SHROOM3: variants seen among roughly 807,000 people sequenced by gnomAD.
SHROOM3 encodes the protein shroom family member 3.
Under a neutral mutation model 138.6 loss-of-function variants are expected in SHROOM3, and 47 were observed. The ratio of observed to expected loss-of-function variants is 0.34; its 90% CI spans 0.27 to 0.43. The LOEUF (loss-of-function observed/expected upper bound fraction) is 0.43. SHROOM3 is among the 20% of genes least tolerant of loss of function. The probability of loss-of-function intolerance (pLI) is 1.00; values close to 1 mark genes in which losing one functional copy is unlikely to be tolerated. For synonymous variants in SHROOM3, 1,062 were observed against 1,063.3 expected, an observed-to-expected ratio of 1.00 and a Z score of 0.02; for missense variants, 2,491 against 2,596.5, an observed-to-expected ratio of 0.96 and a Z score of 0.88.
At chr4:76,468,792 G>A (rs1483763296) in intron 1 of SHROOM3, among the ~76,000 whole-genome samples, 1 of 152,068 alleles carries the variant, frequency 6.6e-6, no homozygotes, top group Non-Finnish European at 1.5e-5. Flanking sequence ...CACTTTGGGA[G>A]GCCAAGGCAG....
chr4:76,643,864 G>A (rs913101821), intron 2 of SHROOM3, among the ~76,000 whole-genome samples: 1 of 152,096 alleles, frequency 6.6e-6, no homozygotes, highest in East Asian at 1.9e-4. Context: ...TTTAATCTGA[G>A]ACGGAGTTTT....
chr4:76,491,602 C>T (rs754711405), intron 1 of SHROOM3, among the ~76,000 whole-genome samples: 9 of 152,146 alleles, frequency 5.9e-5, no homozygotes, highest in Admixed American at 1.3e-4. Flanking sequence ...TGATGTCATG[C>T]GAGGAGCTGC....
At chr4:76,534,696 C>T (rs1279274284) in intron 1 of SHROOM3, among the ~76,000 whole-genome samples, 1 of 152,130 alleles carries the variant, frequency 6.6e-6, no homozygotes, top group Non-Finnish European at 1.5e-5. Context: ...AGTTTCTCAT[C>T]ATGATCACAA....
intron 2 of SHROOM3, among the ~76,000 whole-genome samples, chr4:76,585,283 G>A (rs1364334936): frequency 1.3e-5 from 2 of 152,116 alleles, no homozygotes; most frequent in African/African-American, 4.8e-5. Context: ...TCTTTTGCAA[G>A]GAAATTTATA....
chr4:76,683,492 C>G (rs1036452648), intron 2 of SHROOM3, among the ~76,000 whole-genome samples: 4 of 151,704 alleles, frequency 2.6e-5, no homozygotes, highest in Non-Finnish European at 4.4e-5. Context: ...CTTTCTCTTC[C>G]CCATTCCTCC....
intron 2 of SHROOM3, among the ~76,000 whole-genome samples, chr4:76,666,645 G>A (rs2110095655): frequency 6.6e-6 from 1 of 152,240 alleles, no homozygotes; most frequent in East Asian, 1.9e-4. Context: ...TATTAAAATT[G>A]TAGTGCAAAC....
At chr4:76,457,865 G>A (rs1202672815) in intron 1 of SHROOM3, among the ~76,000 whole-genome samples, 10 of 149,788 alleles carry the variant, frequency 6.7e-5, no homozygotes, top group African/African-American at 2.2e-4. Context: ...GCCTGATCTC[G>A]GCTCACTGCA....
intron 1 of SHROOM3, among the ~76,000 whole-genome samples, chr4:76,477,946 A>G (rs145470685): frequency 0.012 from 1,874 of 152,308 alleles, 42 homozygotes; most frequent in African/African-American, 0.043. Context: ...ATTCTGGCCC[A>G]GACATTATGC....
At chr4:76,610,749 T>C (rs542845853) in intron 2 of SHROOM3, among the ~76,000 whole-genome samples, 46 of 152,318 alleles carry the variant, frequency 3.0e-4, no homozygotes, top group African/African-American at 8.9e-4. Context: ...ATCCTGCCGT[T>C]ACCCCTCTCC....
intron 1 of SHROOM3, among the ~76,000 whole-genome samples, chr4:76,545,821 A>G (rs998023284): frequency 1.2e-4 from 18 of 152,158 alleles, no homozygotes; most frequent in African/African-American, 3.9e-4. Context: ...TGCTCGAAGA[A>G]GGTGCAAATT....
intron 10 of SHROOM3, among the ~76,000 whole-genome samples, chr4:76,775,544 G>A (rs1722524122): frequency 6.6e-6 from 1 of 151,812 alleles, no homozygotes; most frequent in Non-Finnish European, 1.5e-5. Context: ...CCCACTACTG[G>A]GTATCTATCC....
rs115633628 is a variant in SHROOM3 at position 76,590,639 on chromosome 4, G to A, written c.323+34876G>A. On this transcript the variant is annotated intron_variant, in intron 2 of 10. Coordinates refer to ENST00000296043, the MANE Select transcript of SHROOM3 (RefSeq NM_020859.4). ...GAGTTTTTAAGGAAGAAAAGCCCCCGCATCCTACATTCCTGTTCTTTAAAT... is the reference window on the plus strand; with the variant it reads ...GAGTTTTTAAGGAAGAAAAGCCCCCACATCCTACATTCCTGTTCTTTAAAT... 9.4e-4 allele frequency among the ~76,000 whole-genome samples: 143 copies of A among 151,656 alleles called. 1 individual carries two copies. The highest frequency in any genetic ancestry group is 3.2e-3 in the African/African-American group (133 of 41,320).
At chr4:76,720,131 C>A (rs1466893879) in intron 3 of SHROOM3, among the ~76,000 whole-genome samples, 1 of 145,500 alleles carries the variant, frequency 6.9e-6, no homozygotes, top group African/African-American at 2.5e-5. Context: ...TATGAAAAGC[C>A]TTGGAAAAGT....
chr4:76,628,045 C>T (rs1383652087), intron 2 of SHROOM3, among the ~76,000 whole-genome samples: 2 of 152,140 alleles, frequency 1.3e-5, no homozygotes, highest in African/African-American at 4.8e-5. Flanking sequence ...AAAATAGACA[C>T]CTACTTTATG....
intron 3 of SHROOM3, among the ~76,000 whole-genome samples, 196 bp downstream of exon 3, chr4:76,710,483 C>T (rs187245353): frequency 7.9e-4 from 120 of 152,248 alleles, no homozygotes; most frequent in East Asian, 2.3e-3. Context: ...TGGTAGTTTA[C>T]GCACAAGGTT....
At chr4:76,616,797 G>A (rs1380196919) in intron 2 of SHROOM3, among the ~76,000 whole-genome samples, 1 of 152,122 alleles carries the variant, frequency 6.6e-6, no homozygotes, top group Non-Finnish European at 1.5e-5. Flanking sequence ...ACTATGAACT[G>A]TTCCCCAAAA....
At chr4:76,748,060 G>T (rs1255838364) in intron 5 of SHROOM3, among the ~76,000 whole-genome samples, 1 of 152,160 alleles carries the variant, frequency 6.6e-6, no homozygotes, top group Non-Finnish European at 1.5e-5. Context: ...TTAGCAGAGT[G>T]TCTGGCACAC....
chr4:76,483,756 A>G (rs961246674), intron 1 of SHROOM3, among the ~76,000 whole-genome samples: 2 of 152,340 alleles, frequency 1.3e-5, no homozygotes, highest in Admixed American at 6.5e-5. Context: ...ATACCCATCA[A>G]TGACAGACTG....
chr4:76,528,845 T>A (rs893194797), intron 1 of SHROOM3, among the ~76,000 whole-genome samples: 3 of 152,158 alleles, frequency 2.0e-5, no homozygotes, highest in Admixed American at 1.3e-4. Context: ...TGGGCCACTG[T>A]GCCCGGTCTT....
Sources: allele counts gnomAD v4.1 joint callset (sites outside exome capture counted in the v4.1 genomes callset), GRCh38; gene constraint gnomAD v4.1.1; transcripts MANE v1.5; gene names NCBI Gene and HGNC (gene_info 2026-07-23, HGNC 2026-07-21).